Variants in TBXAS1 observed in about 807,000 individuals in gnomAD.
TBXAS1 encodes the protein thromboxane A synthase 1, also known as thromboxane-A synthase.
A neutral mutation model predicts 60.7 loss-of-function variants in TBXAS1; 48 were observed. The ratio of observed to expected loss-of-function variants is 0.79; its 90% confidence interval spans 0.63 to 1.01. The LOEUF (loss-of-function observed/expected upper bound fraction) is 1.01, where lower values mean the gene tolerates loss of function less well. Among genes scored for constraint, TBXAS1 ranks in the 50% least tolerant of loss-of-function variants. The pLI is 0.00. For missense variants in TBXAS1, 685 were observed against 686.3 expected, an observed-to-expected ratio of 1.00 and a Z score of 0.02; for synonymous variants, 287 against 269.7, an observed-to-expected ratio of 1.06 and a Z score of -0.63.
intron 6 of TBXAS1, 68 bp downstream of exon 6, chr7:139,953,524 T>A (rs929624452): frequency 2.1e-6 from 3 of 1,445,926 alleles, no homozygotes; most frequent in Non-Finnish European, 2.9e-6. Flanking sequence ...CTGTCCATAA[T>A]TGCTGACAAT....
At chr7:139,854,123 G>A (rs1329062472) in intron 1 of TBXAS1, among the ~76,000 whole-genome samples, 1 of 151,976 alleles carries the variant, frequency 6.6e-6, no homozygotes, top group East Asian at 2.0e-4. Flanking sequence ...TCTCAGGGTT[G>A]TACAAGAGCA....
intron 5 of TBXAS1, among the ~76,000 whole-genome samples, chr7:139,937,696 G>A (rs907719523): frequency 3.3e-5 from 5 of 152,150 alleles, no homozygotes; most frequent in Non-Finnish European, 7.3e-5. Context: ...TTACAGAGGA[G>A]GAAACTAGGC....
intron 4 of TBXAS1, among the ~76,000 whole-genome samples, chr7:139,791,824 T>C (rs57103575): frequency 0.07 from 10,205 of 144,822 alleles, 1,182 homozygotes; most frequent in African/African-American, 0.25. Flanking sequence ...TTTTTTTTTT[T>C]CATTTCTTGC....
intron 4 of TBXAS1, among the ~76,000 whole-genome samples, chr7:139,798,375 C>T (rs191522384): frequency 2.0e-5 from 3 of 152,112 alleles, no homozygotes; most frequent in Non-Finnish European, 4.4e-5. Flanking sequence ...ATGGGTGGAG[C>T]CAAGTTTCCA....
chr7:140,018,273 T>C (rs2116478811), intron 12 of TBXAS1, among the ~76,000 whole-genome samples: 1 of 152,222 alleles, frequency 6.6e-6, no homozygotes, highest in African/African-American at 2.4e-5. Flanking sequence ...GTGGGGACAC[T>C]TCCTCTGGCT....
chr7:139,830,151 C>T (rs996623618), intron 1 of TBXAS1, among the ~76,000 whole-genome samples: 1 of 152,096 alleles, frequency 6.6e-6, no homozygotes, highest in Non-Finnish European at 1.5e-5. Context: ...GTCTGTAGGT[C>T]GAAGGCCTCA....
intron 3 of TBXAS1, among the ~76,000 whole-genome samples, chr7:139,891,339 A>G (rs556784554): frequency 6.6e-6 from 1 of 152,012 alleles, no homozygotes. Flanking sequence ...CTCAGTGTGG[A>G]TCATGTCCCT....
At position 139,961,911 on chromosome 7, in the gene TBXAS1, T is replaced by C. The variant is rs1176674222; in HGVS notation, c.820-8T>C. 1.2e-6 allele frequency: 2 copies of C among 1,614,252 alleles called. No homozygotes were observed. Among genetic ancestry groups the C allele is most frequent in the Non-Finnish European group, 1.7e-6 (2 of 1,180,038 alleles). ...CAAAATGTGCATTTTTCTCCTTTTGTTCCTTAGAGGCGGAGAGACTTCCTC... is the reference window on the plus strand; with the variant it reads ...CAAAATGTGCATTTTTCTCCTTTTGCTCCTTAGAGGCGGAGAGACTTCCTC... On this transcript the variant is annotated splice_polypyrimidine_tract_variant and splice_region_variant and intron_variant, in intron 8 of 12. Coordinates refer to ENST00000448866, the MANE Select transcript of TBXAS1 (RefSeq NM_001061.7).
chr7:139,957,771 T>TA lies in TBXAS1; in HGVS notation c.819+8dup. ...CCAGCAAGCTGCCGAAGAGGTAACG[T>TA]ATTTTAATAGGACACAGCCTTGAAA... is the stretch of plus-strand genomic sequence containing the variant. On this transcript the variant is annotated splice_region_variant and intron_variant, in intron 8 of 12. Coordinates refer to ENST00000448866, the MANE Select transcript of TBXAS1 (RefSeq NM_001061.7). 1 of 1,614,042 alleles carries TA rather than the reference T, an allele frequency of 6.2e-7. No homozygotes were observed. The highest frequency in any genetic ancestry group is 8.5e-7 in the Non-Finnish European group (1 of 1,179,994).
chr7:139,817,556 C>G (rs1798183108), intron 4 of TBXAS1, among the ~76,000 whole-genome samples: 1 of 152,206 alleles, frequency 6.6e-6, no homozygotes, highest in Admixed American at 6.5e-5. Flanking sequence ...AAACCCGGAA[C>G]AGGTACAGGC....
chr7:139,927,581 A>G (rs1261018976), intron 4 of TBXAS1, among the ~76,000 whole-genome samples: 2 of 152,196 alleles, frequency 1.3e-5, no homozygotes, highest in South Asian at 2.1e-4. Context: ...CAACTACAGT[A>G]CTATAATAAT....
intron 3 of TBXAS1, among the ~76,000 whole-genome samples, chr7:139,876,100 A>G (rs1021437121): frequency 1.3e-5 from 2 of 152,190 alleles, no homozygotes; most frequent in African/African-American, 4.8e-5. Flanking sequence ...CGTGTAATTT[A>G]TCACCCAATC....
intron 9 of TBXAS1, among the ~76,000 whole-genome samples, chr7:139,964,751 A>T (rs1810648894): frequency 6.6e-6 from 1 of 152,372 alleles, no homozygotes; most frequent in Admixed American, 6.5e-5. Context: ...ATGTCTATGA[A>T]ACAATATTTT....
chr7:139,957,135 C>A (rs1809928063), intron 7 of TBXAS1, among the ~76,000 whole-genome samples: 1 of 152,238 alleles, frequency 6.6e-6, no homozygotes, highest in South Asian at 2.1e-4. Flanking sequence ...ACAGCCAGTA[C>A]CCTTGTCAGC....
At chr7:139,935,160 A>G (rs1726488809) in intron 4 of TBXAS1, among the ~76,000 whole-genome samples, 1 of 152,222 alleles carries the variant, frequency 6.6e-6, no homozygotes, top group African/African-American at 2.4e-5. Flanking sequence ...GCCATCCCTC[A>G]GTAGCTCGTG....
intron 5 of TBXAS1, among the ~76,000 whole-genome samples, chr7:139,940,823 A>C (rs1339670586): frequency 6.6e-6 from 1 of 152,214 alleles, no homozygotes; most frequent in East Asian, 1.9e-4. Context: ...TAATGAATGG[A>C]TGTATGAAGA....
At chr7:140,000,241 T>C (rs895684087) in intron 9 of TBXAS1, among the ~76,000 whole-genome samples, 2 of 152,232 alleles carry the variant, frequency 1.3e-5, no homozygotes, top group African/African-American at 4.8e-5. Context: ...GGCTCATGCC[T>C]GTGATCCCAG....
At position 139,987,050 on chromosome 7, in the gene TBXAS1, C is replaced by T. The variant is rs377399613; in HGVS notation, c.1135-20041C>T. ...ATTGGCCTGGGCAGTGCCCTGAGAG[C>T]TTAGCAGTGCAGTCATGAGCCAGCA... On this transcript the variant is annotated intron_variant, in intron 9 of 12. Coordinates refer to ENST00000448866, the MANE Select transcript of TBXAS1 (RefSeq NM_001061.7). 2.0e-5 allele frequency among the ~76,000 whole-genome samples: 3 copies of T among 152,094 alleles called. No individual in the cohort carries two copies. In the East Asian group the frequency reaches 5.8e-4, roughly 29 times the overall value.
chr7:139,861,884 C>T lies in TBXAS1; in HGVS notation c.90-10351C>T, dbSNP rs116967457. On this transcript the variant is annotated intron_variant, in intron 1 of 12. Coordinates refer to ENST00000448866, the MANE Select transcript of TBXAS1 (RefSeq NM_001061.7). Reference sequence around the variant, plus strand: ...ATTGGTTTCTTGCCTCCTTGGTTCACGGTTGCTTTACTTTAATCTCTGCTT... The same window carrying T: ...ATTGGTTTCTTGCCTCCTTGGTTCATGGTTGCTTTACTTTAATCTCTGCTT... Among the ~76,000 whole-genome samples, 1,507 of 152,272 alleles carry T rather than the reference C, an allele frequency of 9.9e-3. 17 individuals are homozygous for T. Among genetic ancestry groups the T allele is most frequent in the Non-Finnish European group, 0.015 (1,054 of 68,018 alleles).
Sources: allele counts gnomAD v4.1 joint callset (sites outside exome capture counted in the v4.1 genomes callset), GRCh38; gene constraint gnomAD v4.1.1; transcripts MANE v1.5; gene names NCBI Gene and HGNC (gene_info 2026-07-23, HGNC 2026-07-21).